PRKX: variants seen among roughly 807,000 people sequenced by gnomAD.
The protein encoded by PRKX is cAMP-dependent protein kinase catalytic subunit PRKX.
A neutral mutation model predicts 22.0 loss-of-function variants in PRKX; 12 were observed. That is an observed-to-expected ratio of 0.54 (90% CI 0.35 to 0.88). The LOEUF (loss-of-function observed/expected upper bound fraction) is 0.88. Ranked by LOEUF, PRKX falls within the 40% of genes least tolerant of loss-of-function variation. PRKX has a pLI of 0.01. For synonymous variants in PRKX, 134 were observed against 137.7 expected, an observed-to-expected ratio of 0.97 and a Z score of 0.19; for missense variants, 217 against 308.0, an observed-to-expected ratio of 0.70 and a Z score of 2.21.
At chrX:3,700,509 G>A (rs952413797) in intron 1 of PRKX, among the ~76,000 whole-genome samples, 1 of 110,307 alleles carries the variant, frequency 9.1e-6, no homozygotes, top group Non-Finnish European at 1.9e-5. Flanking sequence ...ATTTTGAGTC[G>A]TTACTGATTT....
At chrX:3,662,685 A>G (rs1297145487) in intron 2 of PRKX, among the ~76,000 whole-genome samples, 1 of 62,305 alleles carries the variant, frequency 1.6e-5, no homozygotes, top group African/African-American at 6.2e-5. Flanking sequence ...ACAGAGTGAG[A>G]CTCCATCTCA....
chrX:3,640,485 G>A (rs1603473749), intron 4 of PRKX, among the ~76,000 whole-genome samples: 1 of 111,960 alleles, frequency 8.9e-6, no homozygotes, highest in African/African-American at 3.2e-5. Flanking sequence ...CTTCCTTTGC[G>A]TTTCTGGTCT....
At chrX:3,691,589 A>T (rs2146605406) in intron 1 of PRKX, among the ~76,000 whole-genome samples, 1 of 111,043 alleles carries the variant, frequency 9.0e-6, no homozygotes, top group South Asian at 3.9e-4. Context: ...AACTGAGTCC[A>T]TTAACATTTG....
intron 3 of PRKX, among the ~76,000 whole-genome samples, chrX:3,654,433 G>C (rs180902460): frequency 1.7e-3 from 172 of 98,411 alleles, no homozygotes; most frequent in African/African-American, 5.6e-3. Context: ...TGTGTGAGCA[G>C]GTGTGTATGG....
Position 3,713,148 on chromosome X carries a change from C to A in PRKX, c.106G>T (p.Ala36Ser). The change falls in exon 1 of 9, where the codon GCG becomes TCG. Residue 36 changes from alanine to serine, a missense_variant. Ala to Ser is a moderately conservative substitution (Grantham distance 99, BLOSUM62 1). Transcript: ENST00000262848. ...GAPALCPSPE[A>S]LSPEPPVYSL... ...TACACAGGCGGCTCCGGCGACAGCG[C>A]CTCAGGGCTGGGGCAGAGCGCGGGC... 8.7e-7 allele frequency: 1 copy of A among 1,151,173 alleles called. No individual in the cohort carries two copies. Among genetic ancestry groups the A allele is most frequent in the Non-Finnish European group, 1.1e-6 (1 of 869,688 alleles). The allele number at this position is 1,151,173 out of a possible 1,213,427, so 94.9% of individuals were successfully genotyped here. A position where few individuals can be genotyped will look rare whatever the true frequency, so the allele number is the denominator to read the frequency against.
At chrX:3,688,199 A>G (rs1252004012) in intron 1 of PRKX, among the ~76,000 whole-genome samples, 3 of 109,666 alleles carry the variant, frequency 2.7e-5, no homozygotes, top group Admixed American at 9.7e-5. Flanking sequence ...TAATCCCAGC[A>G]CTTTGGGAGG....
intron 1 of PRKX, among the ~76,000 whole-genome samples, chrX:3,709,166 A>G (rs1032543705): frequency 1.1e-5 from 1 of 93,440 alleles, no homozygotes; most frequent in African/African-American, 4.3e-5. Context: ...ACTGGGCAAC[A>G]GAGTGAGACC....
At chrX:3,705,828 C>A (rs1410287508) in intron 1 of PRKX, among the ~76,000 whole-genome samples, 1 of 106,487 alleles carries the variant, frequency 9.4e-6, no homozygotes, top group Non-Finnish European at 1.9e-5. Flanking sequence ...CTGGGACTAA[C>A]AGGCGCCCGC....
chrX:3,688,896 C>G (rs951407389), intron 1 of PRKX, among the ~76,000 whole-genome samples: 2 of 107,871 alleles, frequency 1.9e-5, no homozygotes, highest in Non-Finnish European at 3.8e-5. Flanking sequence ...AAAAGTGAGG[C>G]TCTTCTCCAT....
intron 2 of PRKX, chrX:3,668,322 G>A (rs924360477): frequency 2.7e-5 from 3 of 111,509 alleles, no homozygotes; most frequent in Non-Finnish European, 5.6e-5. Flanking sequence ...GTGCTTTGCA[G>A]GCAGTGATGA....
intron 1 of PRKX, among the ~76,000 whole-genome samples, chrX:3,689,341 C>G (rs1449500519): frequency 2.7e-5 from 3 of 112,144 alleles, no homozygotes; most frequent in African/African-American, 6.5e-5. Flanking sequence ...GTATAATGAC[C>G]TTCTATTTTA....
In PRKX at chrX:3,688,679, A is replaced by G. The variant is rs111236427; in HGVS notation, c.167-13913T>C. Among the ~76,000 whole-genome samples the G allele has an allele frequency of 5.6e-3, 616 of 110,301 alleles. 4 individuals carry two copies. Among genetic ancestry groups the G allele is most frequent in the African/African-American group, 0.019 (576 of 30,368 alleles). ...GGAGATCGAGACTAGCCTGGGCAAC[A>G]TAGCCAGACACCATCTATAAAAAAA... On this transcript the variant is annotated intron_variant, in intron 1 of 8. Coordinates refer to ENST00000262848, the MANE Select transcript of PRKX (RefSeq NM_005044.5).
chrX:3,630,447 C>T (rs1406342361), intron 4 of PRKX, among the ~76,000 whole-genome samples: 1 of 111,452 alleles, frequency 9.0e-6, no homozygotes, highest in Non-Finnish European at 1.9e-5. Flanking sequence ...GTAATCCCAG[C>T]CACTCAGGAG....
intron 1 of PRKX, among the ~76,000 whole-genome samples, chrX:3,704,645 G>C (rs1366589503): frequency 6.4e-5 from 7 of 109,985 alleles, no homozygotes; most frequent in Non-Finnish European, 9.4e-5. Context: ...CTGGGTGTCC[G>C]AGTGAGACCC....
In PRKX at chrX:3,641,898, C is replaced by T. The variant is rs1927086202; in HGVS notation, c.673G>A (p.Val225Met). 4 of 561,915 alleles carry T rather than the reference C, an allele frequency of 7.1e-6. No homozygotes were observed. The highest frequency in any genetic ancestry group is 8.4e-6 in the Non-Finnish European group (3 of 358,087). 46.3% of individuals were successfully genotyped at this position (561,915 alleles called of 1,213,427 possible). The change falls in exon 4 of 9, where the codon GTG becomes ATG. Residue 225 changes from valine to methionine, a missense_variant. Coordinates refer to ENST00000262848, the MANE Select transcript of PRKX (RefSeq NM_005044.5). The part of the protein sequence containing the change: ...VIQSKGHGRA[V>M]DWWALGILIF... ...AGGATGCCGAGGGCCCACCAGTCCA[C>T]GGCCCTTCCGTGGCCCTTGCTCTGA...
rs1026739746 is a variant in PRKX at position 3,606,948 on chromosome X, G to A, written c.*2021C>T. On this transcript the variant is annotated 3_prime_UTR_variant, in exon 9 of 9. Coordinates refer to ENST00000262848, the MANE Select transcript of PRKX (RefSeq NM_005044.5). ...CTGTAAAGAACAAGGTCACCAATGT[G>A]CTTGCATATTTCATTTTCCTGCATA... 3 of 111,688 alleles carry A rather than the reference G, an allele frequency of 2.7e-5. No homozygotes were observed. Among genetic ancestry groups the A allele is most frequent in the African/African-American group, 9.8e-5 (3 of 30,715 alleles). The allele number at this position is 111,688 out of a possible 1,213,427, so 9.2% of individuals were successfully genotyped here.
At chrX:3,703,515 C>T (rs977601743) in intron 1 of PRKX, among the ~76,000 whole-genome samples, 4 of 110,876 alleles carry the variant, frequency 3.6e-5, no homozygotes, top group African/African-American at 1.3e-4. Context: ...GAATTTCCAT[C>T]CTCGCACCTG....
chrX:3,678,241 T>C (rs1398428312), intron 1 of PRKX, among the ~76,000 whole-genome samples: 1 of 112,220 alleles, frequency 8.9e-6, no homozygotes, highest in African/African-American at 3.2e-5. Context: ...TTGCATATTA[T>C]TAGGAAACAT....
At chrX:3,701,029 G>C (rs1329904230) in intron 1 of PRKX, among the ~76,000 whole-genome samples, 1 of 111,837 alleles carries the variant, frequency 8.9e-6, no homozygotes, top group Non-Finnish European at 1.9e-5. Context: ...GGAATATTTT[G>C]AGTCATTATG....
Sources: allele counts gnomAD v4.1 joint callset (sites outside exome capture counted in the v4.1 genomes callset), GRCh38; gene constraint gnomAD v4.1.1; transcripts MANE v1.5; gene names NCBI Gene and HGNC (gene_info 2026-07-23, HGNC 2026-07-21).